Variants in ELP4 observed in about 807,000 individuals in gnomAD.
ELP4 encodes the protein elongator complex protein 4.
A neutral mutation model predicts 48.9 loss-of-function variants in ELP4; 51 were observed. The ratio of observed to expected loss-of-function variants is 1.04; its 90% CI spans 0.83 to 1.32. ELP4 has a LOEUF of 1.32. Ranked by LOEUF, ELP4 falls within the 40% of genes most tolerant of loss-of-function variation. The pLI, the probability that ELP4 is intolerant of heterozygous loss-of-function variation, is 0.00. For missense variants in ELP4, 519 were observed against 514.6 expected (o/e 1.01, Z -0.08); for synonymous variants, 210 against 189.2 (o/e 1.11, Z -0.90).
chr11:31,790,258 A>T lies in ELP4; in HGVS notation c.*6734A>T. 1.9e-6 allele frequency: 1 copy of T among 531,570 alleles called. No homozygotes were observed. Among genetic ancestry groups the T allele is most frequent in the Admixed American group, 4.2e-5 (1 of 23,740 alleles). 32.9% of individuals were successfully genotyped at this position (531,570 alleles called of 1,614,324 possible). On this transcript the variant is annotated 3_prime_UTR_variant, in exon 10 of 10. Transcript: ENST00000640961. ...TACCCCCCACCCCAATCCAAAGGAA[A>T]AGAAAAAAAAAATCCTCTGTTTGTT...
rs1956748305 is a variant in ELP4 at position 31,547,315 on chromosome 11, TC to T, written c.381+7535del. The stretch of plus-strand genomic sequence containing the variant: ...ATGATAAAGGGGATATCACCACCGA[TC>T]CCACAGAAATACAAACTACCATCAG... On this transcript the variant is annotated intron_variant, in intron 3 of 9. Transcript: ENST00000640961. Among the ~76,000 whole-genome samples the T allele has an allele frequency of 2.0e-5, 3 of 151,800 alleles. No homozygotes were observed. In the South Asian group the frequency reaches 6.2e-4, roughly 32 times the overall value.
intron 5 of ELP4, among the ~76,000 whole-genome samples, chr11:31,625,310 A>T (rs1944718133): frequency 1.3e-5 from 2 of 151,778 alleles, no homozygotes; most frequent in African/African-American, 4.8e-5. Flanking sequence ...GCATGACTGT[A>T]TATCTAAAGG....
intron 1 of ELP4, among the ~76,000 whole-genome samples, chr11:31,510,218 C>G (rs981352752): frequency 1.3e-5 from 2 of 152,194 alleles, no homozygotes; most frequent in African/African-American, 4.8e-5. Flanking sequence ...CCCTCGCTCT[C>G]TATTTCATTC....
rs528119579 is a variant in ELP4, at chr11:31,771,961, G to A, written c.1144-11432G>A. 7.6e-3 allele frequency among the ~76,000 whole-genome samples: 1,151 copies of A among 151,790 alleles called. 7 individuals carry two copies. The highest frequency in any genetic ancestry group is 0.017 in the Middle Eastern group (5 of 294). ...TGTGCCACTGCACTCCAGCCTGGGCGACAGAGCGAGACTCCGTCTCTAAAA... is the reference window on the plus strand; with the variant it reads ...TGTGCCACTGCACTCCAGCCTGGGCAACAGAGCGAGACTCCGTCTCTAAAA... On this transcript the variant is annotated intron_variant, in intron 9 of 9. Coordinates refer to ENST00000640961, the MANE Select transcript of ELP4 (RefSeq NM_019040.5).
At chr11:31,689,821 A>G (rs1946237621) in intron 9 of ELP4, among the ~76,000 whole-genome samples, 1 of 152,036 alleles carries the variant, frequency 6.6e-6, no homozygotes, top group Non-Finnish European at 1.5e-5. Context: ...AAATAGAGAT[A>G]ATTAGCATCT....
chr11:31,734,758 G>C (rs1400745266), intron 9 of ELP4, among the ~76,000 whole-genome samples: 1 of 152,168 alleles, frequency 6.6e-6, no homozygotes, highest in Non-Finnish European at 1.5e-5. Flanking sequence ...TAGATTGGAA[G>C]ACTTGATATT....
At chr11:31,707,200 A>G (rs1946652672) in intron 9 of ELP4, 1 of 388,562 alleles carries the variant, frequency 2.6e-6, no homozygotes, top group South Asian at 1.4e-4. Context: ...TCCCACCAAC[A>G]GTGTAATACG....
intron 9 of ELP4, among the ~76,000 whole-genome samples, chr11:31,771,847 C>T (rs776444041): frequency 1.5e-4 from 23 of 151,992 alleles, no homozygotes; most frequent in Admixed American, 2.0e-4. Context: ...GGCGTGGTGG[C>T]GGCAGGCACC....
intron 5 of ELP4, among the ~76,000 whole-genome samples, chr11:31,623,500 T>G (rs1944671026): frequency 6.7e-6 from 1 of 149,180 alleles, no homozygotes; most frequent in South Asian, 2.1e-4. Flanking sequence ...TCCCATATAT[T>G]CAAAAATTAA....
rs1468275668 is a variant in ELP4, at chr11:31,512,943, G to A, written c.223+2936G>A. ...AAGGGTAACTGCAGATTTGACCTCT[G>A]TGCTGTTAAATTTTGATAGTGAAGG... On this transcript the variant is annotated intron_variant, in intron 1 of 9. Coordinates refer to ENST00000640961, the MANE Select transcript of ELP4 (RefSeq NM_019040.5). 4.6e-5 allele frequency among the ~76,000 whole-genome samples: 7 copies of A among 152,058 alleles called. No individual in the cohort carries two copies. The East Asian group carries it at 5.8e-4, about 13-fold the overall frequency.
At chr11:31,643,054 A>G (rs1172728859) in intron 7 of ELP4, among the ~76,000 whole-genome samples, 1 of 151,800 alleles carries the variant, frequency 6.6e-6, no homozygotes, top group African/African-American at 2.4e-5. Flanking sequence ...ATCATTTTTC[A>G]GAAAATGTTA....
intron 9 of ELP4, among the ~76,000 whole-genome samples, chr11:31,717,344 T>C (rs564126156): frequency 6.6e-6 from 1 of 152,350 alleles, no homozygotes; most frequent in South Asian, 2.1e-4. Flanking sequence ...CATAGACTTT[T>C]TCATGCATTT....
chr11:31,648,168 A>G (rs1945244885), intron 8 of ELP4: 1 of 176,276 alleles, frequency 5.7e-6, no homozygotes, highest in Non-Finnish European at 1.2e-5. Flanking sequence ...TAAATATCGT[A>G]TTAATTCTAA....
chr11:31,519,692 G>T (rs968581231), intron 1 of ELP4, among the ~76,000 whole-genome samples: 3 of 152,152 alleles, frequency 2.0e-5, no homozygotes, highest in African/African-American at 7.2e-5. Context: ...AGGCGTGGTA[G>T]TGGGCACCTG....
rs1291626575 is a variant in ELP4 at position 31,760,642 on chromosome 11, C to G, written c.1144-22751C>G. 2.6e-5 allele frequency among the ~76,000 whole-genome samples: 4 copies of G among 152,266 alleles called. No individual in the cohort carries two copies. In the East Asian group the frequency reaches 7.7e-4, roughly 29 times the overall value. On this transcript the variant is annotated intron_variant, in intron 9 of 9. Coordinates refer to ENST00000640961, the MANE Select transcript of ELP4 (RefSeq NM_019040.5). ...TTAAATAGCATATTTCACTTCATGT[C>G]AATTTAATTTAGATATAACTTTTTA... is the stretch of plus-strand genomic sequence containing the variant.
chr11:31,643,377 A>G (rs1331413755), intron 7 of ELP4, among the ~76,000 whole-genome samples: 1 of 151,732 alleles, frequency 6.6e-6, no homozygotes, highest in Non-Finnish European at 1.5e-5. Context: ...TGATTGATTT[A>G]CCCCTTTCAA....
chr11:31,600,375 C>T (rs1957759621), intron 4 of ELP4: 1 of 152,096 alleles, frequency 6.6e-6, no homozygotes, highest in Non-Finnish European at 1.5e-5. Flanking sequence ...AATACCATGA[C>T]CTACAATGAC....
chr11:31,732,856 G>A (rs1297325746), intron 9 of ELP4, among the ~76,000 whole-genome samples: 1 of 152,170 alleles, frequency 6.6e-6, no homozygotes, highest in Non-Finnish European at 1.5e-5. Context: ...AATTCACCAG[G>A]AAGATATAGC....
intron 9 of ELP4, among the ~76,000 whole-genome samples, chr11:31,735,930 C>G (rs1947304902): frequency 6.6e-6 from 1 of 152,244 alleles, no homozygotes; most frequent in Admixed American, 6.5e-5. Flanking sequence ...AATGCCATCC[C>G]CATCAAGCTA....
Sources: gnomAD v4.1 joint callset for allele counts (sites outside exome capture counted in the v4.1 genomes callset) on GRCh38, gnomAD v4.1.1 for gene constraint, MANE v1.5 for transcripts, NCBI Gene and HGNC (gene_info 2026-07-23, HGNC 2026-07-21) for gene names.